Variants in C2orf49 observed in about 807,000 individuals in gnomAD.
C2orf49 encodes tRNA splicing ligase complex subunit 2.
Under a neutral mutation model 20.6 loss-of-function variants are expected in C2orf49, and 11 were observed. The observed-to-expected ratio is 0.53, with a 90% CI of 0.34 to 0.88. The LOEUF is 0.88. Among genes scored for constraint, C2orf49 ranks in the 40% least tolerant of loss-of-function variants. The pLI is 0.02. For missense variants in C2orf49, 289 were observed against 274.2 expected (o/e 1.05, Z -0.38); for synonymous variants, 134 against 108.5 (o/e 1.24, Z -1.46).
chr2:105,363,520 A>G, the C2orf49 span: 1 of 1,513,576 alleles, frequency 6.6e-7, no homozygotes, highest in Non-Finnish European at 9.0e-7. Flanking sequence ...CTTGGCAGAC[A>G]TCTTCAGTCT....
chr2:105,363,260 G>C, the C2orf49 span: 1 of 1,612,052 alleles, frequency 6.2e-7, no homozygotes, highest in Non-Finnish European at 8.5e-7. Flanking sequence ...ATCGCCCCTG[G>C]AAATGGGAAC....
the C2orf49 span, among the ~76,000 whole-genome samples, chr2:105,356,531 T>C: frequency 3.5e-4 from 53 of 152,244 alleles, no homozygotes; most frequent in Admixed American, 2.4e-3. Flanking sequence ...GCTGTGATCA[T>C]GCCACTGCAC....
chr2:105,372,174 A>G, the C2orf49 span, among the ~76,000 whole-genome samples: 2 of 152,200 alleles, frequency 1.3e-5, no homozygotes, highest in African/African-American at 2.4e-5. Context: ...ATCTTACCAA[A>G]GGTCAGATTA....
At chr2:105,357,974 C>T in the C2orf49 span, 2 of 152,306 alleles carry the variant, frequency 1.3e-5, no homozygotes, top group South Asian at 4.1e-4. Flanking sequence ...TGTTTCACAT[C>T]TGATTGCTCC....
In C2orf49 at chr2:105,339,637, C is replaced by T; in HGVS notation, c.154C>T (p.Leu52Phe). The T allele has an allele frequency of 6.2e-7, 1 of 1,607,188 alleles. No homozygotes were observed. Among genetic ancestry groups the T allele is most frequent in the Non-Finnish European group, 8.5e-7 (1 of 1,178,504 alleles). ...AGTAAACAAAGACAGTCTTACTGACCTTTATGTCCAACATGCAATACCATT... is the reference window on the plus strand; with the variant it reads ...AGTAAACAAAGACAGTCTTACTGACTTTTATGTCCAACATGCAATACCATT... Reference protein sequence around the residue: ...VRVNKDSLTDLYVQHAIPLPQ... With the variant: ...VRVNKDSLTDFYVQHAIPLPQ... The change falls in exon 2 of 4, where the codon CTT becomes TTT. Residue 52 changes from leucine to phenylalanine, a missense_variant. Coordinates refer to ENST00000258457, the MANE Select transcript of C2orf49 (RefSeq NM_024093.3).
chr2:105,361,522 C>A, the C2orf49 span: 1 of 1,257,250 alleles, frequency 8.0e-7, no homozygotes, highest in Non-Finnish European at 1.1e-6. Flanking sequence ...TGATCCATTT[C>A]AAAGTTTGGA....
At chr2:105,359,088 G>C in the C2orf49 span, 1 of 152,144 alleles carries the variant, frequency 6.6e-6, no homozygotes, top group African/African-American at 2.4e-5. Context: ...TGCCTGCTTT[G>C]GATCGTGCTC....
downstream of C2orf49, among the ~76,000 whole-genome samples, chr2:105,352,322 C>G (rs1679953308): frequency 6.6e-6 from 1 of 151,494 alleles, no homozygotes; most frequent in Admixed American, 6.6e-5. Context: ...AGACAAACAT[C>G]CATTCAACAG....
chr2:105,367,816 C>T, the C2orf49 span: 4 of 1,448,472 alleles, frequency 2.8e-6, no homozygotes, highest in Non-Finnish European at 3.8e-6. Flanking sequence ...GCCTTCAGAG[C>T]TTGCTGCCCT....
At chr2:105,362,196 A>G in the C2orf49 span, among the ~76,000 whole-genome samples, 3 of 152,238 alleles carry the variant, frequency 2.0e-5, no homozygotes, top group African/African-American at 7.2e-5. Flanking sequence ...TGTTCTGGCA[A>G]AAGATTACAT....
chr2:105,351,326 C>CCCCA (rs1679931309), downstream of C2orf49, among the ~76,000 whole-genome samples: 3 of 83,592 alleles, frequency 3.6e-5, no homozygotes, highest in African/African-American at 8.5e-5. Context: ...CCCCCCCCCC[C>CCCCA]AAAAAAAAAG....
the C2orf49 span, among the ~76,000 whole-genome samples, chr2:105,385,555 T>C: frequency 0.07 from 10,723 of 152,228 alleles, 1,226 homozygotes; most frequent in African/African-American, 0.24. Context: ...GCCAAAGGAA[T>C]CCCATTTTGT....
At chr2:105,383,251 G>C in the C2orf49 span, among the ~76,000 whole-genome samples, 1 of 152,210 alleles carries the variant, frequency 6.6e-6, no homozygotes, top group Non-Finnish European at 1.5e-5. Context: ...CAAAAACTCT[G>C]TAATCAGTCT....
chr2:105,338,851 CCTT>C (rs1158185948), intron 1 of C2orf49, among the ~76,000 whole-genome samples: 3 of 152,192 alleles, frequency 2.0e-5, no homozygotes, highest in Admixed American at 6.5e-5. Flanking sequence ...TCTCATTTCT[CCTT>C]CTTAAATCCA....
rs562859579 is a variant in C2orf49 at position 105,340,100 on chromosome 2, A to C, written c.266+351A>C. ...GAAAACAAGCTAGGATTCCAGGCAGAATACAAGAGGCTGGATCTGGAATGT... is the reference window on the plus strand; with the variant it reads ...GAAAACAAGCTAGGATTCCAGGCAGCATACAAGAGGCTGGATCTGGAATGT... On this transcript the variant is annotated intron_variant, in intron 2 of 3. Coordinates refer to ENST00000258457, the MANE Select transcript of C2orf49 (RefSeq NM_024093.3). 8.5e-4 allele frequency among the ~76,000 whole-genome samples: 130 copies of C among 152,352 alleles called. 2 individuals carry two copies. Among genetic ancestry groups the C allele is most frequent in the African/African-American group, 2.7e-3 (114 of 41,598 alleles).
At chr2:105,365,386 A>G in the C2orf49 span, among the ~76,000 whole-genome samples, 2 of 152,184 alleles carry the variant, frequency 1.3e-5, no homozygotes, top group African/African-American at 2.4e-5. Flanking sequence ...GTTTTTGTGT[A>G]TTTAATGAAC....
At chr2:105,354,787 G>T in the C2orf49 span, among the ~76,000 whole-genome samples, 1 of 152,310 alleles carries the variant, frequency 6.6e-6, no homozygotes, top group Admixed American at 6.5e-5. Flanking sequence ...TTAAGCCAAT[G>T]AAATAGATGT....
At chr2:105,375,130 AGTAT>A in the C2orf49 span, 60 of 123,668 alleles carry the variant, frequency 4.9e-4, no homozygotes, top group African/African-American at 1.7e-3. Flanking sequence ...CTTTTGCTGA[AGTAT>A]GTGTGTGTGT....
the C2orf49 span, among the ~76,000 whole-genome samples, chr2:105,371,576 C>CTCTCTCTCTCTCTCTCT: frequency 6.6e-6 from 1 of 150,776 alleles, no homozygotes; most frequent in Non-Finnish European, 1.5e-5. Flanking sequence ...CTCTCTCTCT[C>CTCTCTCTCTCTCTCTCT]CTTATGTATG....
Sources: allele counts gnomAD v4.1 joint callset (sites outside exome capture counted in the v4.1 genomes callset), GRCh38; gene constraint gnomAD v4.1.1; transcripts MANE v1.5; gene names NCBI Gene and HGNC (gene_info 2026-07-23, HGNC 2026-07-21).